The following FAM149B1 variants were observed in gnomAD, a reference collection of about 807,000 sequenced individuals.
FAM149B1 encodes family with sequence similarity 149 member B1.
Under a neutral mutation model 75.3 loss-of-function variants are expected in FAM149B1, and 56 were observed. The ratio of observed to expected loss-of-function variants is 0.74; its 90% CI spans 0.60 to 0.93. FAM149B1 has a LOEUF of 0.93. Ranked by LOEUF, FAM149B1 falls within the 40% of genes least tolerant of loss-of-function variation. The probability of loss-of-function intolerance (pLI) is 0.00; values close to 1 mark genes in which losing one functional copy is unlikely to be tolerated. For synonymous variants in FAM149B1, 259 were observed against 256.1 expected, an observed-to-expected ratio of 1.01 and a Z score of -0.11; for missense variants, 639 against 708.4, an observed-to-expected ratio of 0.90 and a Z score of 1.11.
chr10:73,234,631 AG>A (rs2043781615), intron 10 of FAM149B1, 185 bp from the exon 11 acceptor site: 2 of 633,640 alleles, frequency 3.2e-6, no homozygotes, highest in South Asian at 2.0e-5. Context: ...AAACAAAATC[AG>A]AAAACACTAT....
intron 3 of FAM149B1, chr10:73,192,260 A>T (rs1451460928): frequency 5.5e-6 from 1 of 181,642 alleles, no homozygotes; most frequent in Non-Finnish European, 1.1e-5. Context: ...AGTGGAGAGG[A>T]AACAAAGAAA....
intron 3 of FAM149B1, among the ~76,000 whole-genome samples, chr10:73,178,415 C>T (rs1445746302): frequency 5.3e-5 from 8 of 150,654 alleles, no homozygotes; most frequent in African/African-American, 9.8e-5. Context: ...GGCTTGAACG[C>T]GGGAGGTGGA....
intron 3 of FAM149B1, among the ~76,000 whole-genome samples, chr10:73,185,968 T>C (rs2042512016): frequency 6.6e-6 from 1 of 152,176 alleles, no homozygotes; most frequent in African/African-American, 2.4e-5. Context: ...CAGTATGACC[T>C]TGATACCAAA....
intron 12 of FAM149B1, among the ~76,000 whole-genome samples, chr10:73,238,026 A>C (rs1349542373): frequency 1.3e-5 from 2 of 152,164 alleles, no homozygotes; most frequent in African/African-American, 4.8e-5. Flanking sequence ...AAAAAGGGAG[A>C]TAGCTAGTTG....
At chr10:73,212,692 T>C (rs1323478634) in intron 7 of FAM149B1, among the ~76,000 whole-genome samples, 1 of 152,228 alleles carries the variant, frequency 6.6e-6, no homozygotes, top group Non-Finnish European at 1.5e-5. Flanking sequence ...CTTTTTTCCA[T>C]AAAGGCTGTA....
intron 7 of FAM149B1, among the ~76,000 whole-genome samples, chr10:73,224,630 C>G (rs531741314): frequency 8.0e-4 from 122 of 152,108 alleles, no homozygotes; most frequent in African/African-American, 2.8e-3. Context: ...TGCCACCACA[C>G]CCAGCTATTT....
intron 13 of FAM149B1, among the ~76,000 whole-genome samples, chr10:73,240,520 G>T (rs1006649736): frequency 4.6e-5 from 7 of 152,088 alleles, no homozygotes; most frequent in Non-Finnish European, 4.4e-5. Context: ...AGACCATCCT[G>T]GCTAACATGG....
chr10:73,193,326 G>C, intron 4 of FAM149B1, 151 bp from the exon 5 acceptor site: 2 of 630,100 alleles, frequency 3.2e-6, no homozygotes, highest in Non-Finnish European at 5.2e-6. Context: ...CTGTAGTAAG[G>C]CTCTGGATTC....
intron 7 of FAM149B1, among the ~76,000 whole-genome samples, chr10:73,218,212 G>A (rs1460690291): frequency 3.3e-5 from 5 of 152,214 alleles, no homozygotes; most frequent in Non-Finnish European, 7.3e-5. Context: ...AATATTGGGA[G>A]TTCCATGACT....
intron 5 of FAM149B1, among the ~76,000 whole-genome samples, chr10:73,195,052 C>G (rs2042771365): frequency 6.6e-6 from 1 of 152,136 alleles, no homozygotes; most frequent in Non-Finnish European, 1.5e-5. Flanking sequence ...AAAATAAACC[C>G]AAATAGGATT....
chr10:73,243,983 A>G lies in FAM149B1; in HGVS notation c.*2964A>G, dbSNP rs889495946. On this transcript the variant is annotated 3_prime_UTR_variant, in exon 14 of 14. Transcript: ENST00000242505. Reference sequence around the variant, plus strand: ...GGCCACCAGGAAATGCTTAAAATACATACTCTTTCCCAAAAGCAAATCTAT... The same window carrying G: ...GGCCACCAGGAAATGCTTAAAATACGTACTCTTTCCCAAAAGCAAATCTAT... 1.4e-6 allele frequency: 2 copies of G among 1,440,614 alleles called. No homozygotes were observed. Among genetic ancestry groups the G allele is most frequent in the Non-Finnish European group, 9.7e-7 (1 of 1,035,730 alleles). 89.2% of individuals were successfully genotyped at this position (1,440,614 alleles called of 1,614,324 possible). A position where few individuals can be genotyped will look rare whatever the true frequency, so the allele number is the denominator to read the frequency against.
intron 3 of FAM149B1, among the ~76,000 whole-genome samples, chr10:73,179,178 T>C (rs2042334481): frequency 2.0e-5 from 3 of 152,148 alleles, no homozygotes; most frequent in Admixed American, 2.0e-4. Context: ...TTGGCCAGGA[T>C]GGTCTCGATC....
chr10:73,234,616 C>T, intron 10 of FAM149B1: 1 of 580,794 alleles, frequency 1.7e-6, no homozygotes, highest in Non-Finnish European at 3.0e-6. Flanking sequence ...GAGTATAGAG[C>T]TTCAAAACAA....
chr10:73,196,485 G>A (rs766135068), intron 5 of FAM149B1, among the ~76,000 whole-genome samples: 3 of 152,052 alleles, frequency 2.0e-5, no homozygotes, highest in Non-Finnish European at 4.4e-5. Flanking sequence ...GTTGTGAGAC[G>A]TATGAAGAAA....
intron 5 of FAM149B1, among the ~76,000 whole-genome samples, chr10:73,208,412 T>C (rs140938128): frequency 4.4e-4 from 67 of 152,346 alleles, no homozygotes; most frequent in Non-Finnish European, 7.5e-4. Flanking sequence ...CAGTACCAGA[T>C]AGTCCATAGT....
chr10:73,174,568 A>T, intron 1 of FAM149B1, 119 bp from the exon 2 acceptor site: 1 of 633,440 alleles, frequency 1.6e-6, no homozygotes, highest in Non-Finnish European at 2.7e-6. Context: ...ACTGGTGGCT[A>T]CCATATCAGA....
chr10:73,231,925 T>TTAAAAA (rs768190966), intron 9 of FAM149B1, among the ~76,000 whole-genome samples: 350 of 142,050 alleles, frequency 2.5e-3, no homozygotes, highest in African/African-American at 8.5e-3. Context: ...TAGGGTGTGT[T>TTAAAAA]AAAAAAAAAA....
intron 5 of FAM149B1, among the ~76,000 whole-genome samples, chr10:73,203,187 G>C (rs1409489417): frequency 6.6e-6 from 1 of 152,176 alleles, no homozygotes; most frequent in Admixed American, 6.5e-5. Flanking sequence ...TAGCAGAAAG[G>C]AGGAAAGACA....
In FAM149B1 at chr10:73,210,387, G is replaced by A. The variant is rs1374775614; in HGVS notation, c.847G>A (p.Val283Met). 2 of 1,551,556 alleles carry A rather than the reference G, an allele frequency of 1.3e-6. No homozygotes were observed. The highest frequency in any genetic ancestry group is 4.9e-5 in the East Asian group (2 of 40,914). Residue 283 changes from valine to methionine, a missense_variant, in exon 7 of 14, where the codon GTG becomes ATG. Transcript: ENST00000242505. ...YVFDSVWCKV[V>M]SCMEQLTRSH... ...GTTTGACAGTGTATGGTGCAAGGTT[G>A]TGAGCTGTATGGAGCAGTTGACACG...
Sources: gnomAD v4.1 joint callset for allele counts (sites outside exome capture counted in the v4.1 genomes callset) on GRCh38, gnomAD v4.1.1 for gene constraint, MANE v1.5 for transcripts, NCBI Gene and HGNC (gene_info 2026-07-23, HGNC 2026-07-21) for gene names.